NRXN1: variants seen among roughly 807,000 people sequenced by gnomAD.
The protein encoded by NRXN1 is neurexin 1.
NRXN1 carries 39 observed loss-of-function variants against 150.9 expected under a neutral mutation model. The ratio of observed to expected loss-of-function variants is 0.26; its 90% confidence interval spans 0.20 to 0.34. The LOEUF is 0.34. Ranked by LOEUF, NRXN1 falls within the 10% of genes least tolerant of loss-of-function variation. NRXN1 has a pLI of 1.00. For synonymous variants in NRXN1, 924 were observed against 757.0 expected, an observed-to-expected ratio of 1.22 and a Z score of -3.62; for missense variants, 1,815 against 1,949.9, an observed-to-expected ratio of 0.93 and a Z score of 1.30.
At chr2:50,274,602 G>A (rs28375370) in intron 17 of NRXN1, among the ~76,000 whole-genome samples, 102,817 of 151,920 alleles carry the variant, frequency 0.68, 34,972 homozygotes, top group Middle Eastern at 0.79. Context: ...AAAAGAGATA[G>A]AAGGAAGAAA....
At chr2:50,952,997 C>T (rs905980835) in intron 2 of NRXN1, among the ~76,000 whole-genome samples, 8 of 152,102 alleles carry the variant, frequency 5.3e-5, no homozygotes, top group Non-Finnish European at 1.0e-4. Context: ...CCATAATGAT[C>T]AATATATATG....
intron 8 of NRXN1, among the ~76,000 whole-genome samples, chr2:50,617,498 C>A (rs1410455837): frequency 6.6e-6 from 1 of 151,452 alleles, no homozygotes; most frequent in Non-Finnish European, 1.5e-5. Context: ...GTGCTGATAT[C>A]CTTCCAAACT....
intron 5 of NRXN1, among the ~76,000 whole-genome samples, chr2:50,727,491 T>C (rs903157687): frequency 6.6e-6 from 1 of 152,048 alleles, no homozygotes; most frequent in Non-Finnish European, 1.5e-5. Context: ...TAAAAACAAA[T>C]TTTAAGTTGT....
intron 5 of NRXN1, among the ~76,000 whole-genome samples, chr2:50,749,180 T>G (rs1700320367): frequency 6.6e-6 from 1 of 152,152 alleles, no homozygotes; most frequent in Admixed American, 6.6e-5. Flanking sequence ...ATCAGATTTT[T>G]TAAATGGTTA....
At chr2:50,705,810 C>A (rs1694350161) in intron 5 of NRXN1, among the ~76,000 whole-genome samples, 1 of 152,062 alleles carries the variant, frequency 6.6e-6, no homozygotes, top group African/African-American at 2.4e-5. Context: ...AGGAATTGCC[C>A]TTATGTTGAT....
At chr2:50,061,886 T>C (rs1327496099) in intron 19 of NRXN1, among the ~76,000 whole-genome samples, 3 of 152,200 alleles carry the variant, frequency 2.0e-5, no homozygotes, top group South Asian at 4.1e-4. Context: ...AAACTGCATG[T>C]AAAATTTGGT....
intron 5 of NRXN1, among the ~76,000 whole-genome samples, chr2:50,668,429 T>C (rs1470808796): frequency 6.6e-6 from 1 of 152,046 alleles, no homozygotes; most frequent in Non-Finnish European, 1.5e-5. Flanking sequence ...CAAATATTGG[T>C]ATCCATAAGT....
intron 8 of NRXN1, among the ~76,000 whole-genome samples, chr2:50,602,704 G>C (rs902321096): frequency 7.2e-5 from 11 of 151,936 alleles, no homozygotes; most frequent in Admixed American, 7.2e-4. Context: ...TAGAATAAAA[G>C]GGAACATGTA....
chr2:50,194,508 C>T (rs1285018992), intron 18 of NRXN1, among the ~76,000 whole-genome samples: 1 of 152,008 alleles, frequency 6.6e-6, no homozygotes, highest in South Asian at 2.1e-4. Context: ...TTCTTTACCC[C>T]CCCGATTCCC....
At chr2:51,010,208 CTGCTCT>C (rs1667624434) in intron 2 of NRXN1, among the ~76,000 whole-genome samples, 1 of 151,954 alleles carries the variant, frequency 6.6e-6, no homozygotes, top group Non-Finnish European at 1.5e-5. Flanking sequence ...CTTTGATAAT[CTGCTCT>C]TGCACTTATA....
intron 17 of NRXN1, among the ~76,000 whole-genome samples, chr2:50,411,439 G>C (rs1211731736): frequency 1.3e-5 from 2 of 152,010 alleles, no homozygotes; most frequent in African/African-American, 4.8e-5. Flanking sequence ...GCCTCTGCCC[G>C]GCCACCACCC....
chr2:50,705,041 G>A (rs1201981161), intron 5 of NRXN1, among the ~76,000 whole-genome samples: 2 of 124,402 alleles, frequency 1.6e-5, no homozygotes, highest in Non-Finnish European at 3.3e-5. Context: ...TATATACACA[G>A]AAACACAAAC....
intron 2 of NRXN1, chr2:50,979,395 T>C (rs1367465277): frequency 1.4e-5 from 6 of 421,810 alleles, no homozygotes; most frequent in Non-Finnish European, 2.8e-5. Flanking sequence ...TTTTCAGGTA[T>C]TTCCATCTTG....
At chr2:50,547,444 G>A (rs2058750) in intron 9 of NRXN1, 43,868 of 151,878 alleles carry the variant, frequency 0.29, 6,740 homozygotes, top group East Asian at 0.52. Flanking sequence ...CCTAATTGTA[G>A]CTCCATTCAC....
chr2:50,430,722 G>A (rs2084901533), intron 17 of NRXN1, among the ~76,000 whole-genome samples: 1 of 152,118 alleles, frequency 6.6e-6, no homozygotes, highest in African/African-American at 2.4e-5. Flanking sequence ...TTTGTTTCAG[G>A]AATACTGCTG....
intron 8 of NRXN1, chr2:50,615,761 T>C (rs1396215431): frequency 6.6e-6 from 1 of 152,104 alleles, no homozygotes; most frequent in East Asian, 1.9e-4. Context: ...CCTCATAGAG[T>C]CTGAGCATCT....
At chr2:50,577,673 A>G (rs913217984) in intron 8 of NRXN1, among the ~76,000 whole-genome samples, 2 of 151,950 alleles carry the variant, frequency 1.3e-5, no homozygotes, top group Admixed American at 6.6e-5. Flanking sequence ...AAATTCTGCC[A>G]TAATACATTT....
At chr2:50,625,659 G>A (rs1680889718) in intron 5 of NRXN1, among the ~76,000 whole-genome samples, 1 of 152,050 alleles carries the variant, frequency 6.6e-6, no homozygotes, top group Non-Finnish European at 1.5e-5. Context: ...CTATTATACT[G>A]AGAGGAAAAT....
intron 17 of NRXN1, among the ~76,000 whole-genome samples, chr2:50,422,194 T>C (rs1021703530): frequency 2.0e-5 from 3 of 152,154 alleles, no homozygotes. Flanking sequence ...TTTTAAAAAA[T>C]TGTACAAATT....
Sources: gnomAD v4.1 joint callset for allele counts (sites outside exome capture counted in the v4.1 genomes callset) on GRCh38, gnomAD v4.1.1 for gene constraint, MANE v1.5 for transcripts, NCBI Gene and HGNC (gene_info 2026-07-23, HGNC 2026-07-21) for gene names.